Variants in NXN observed in about 807,000 individuals in gnomAD.
NXN encodes nucleoredoxin.
A neutral mutation model predicts 48.6 loss-of-function variants in NXN; 16 were observed. That is an observed-to-expected ratio of 0.33 (90% CI 0.22 to 0.50). The LOEUF (loss-of-function observed/expected upper bound fraction) is 0.50, where lower values mean the gene tolerates loss of function less well. Among genes scored for constraint, NXN ranks in the 20% least tolerant of loss-of-function variants. The pLI is 0.98. For synonymous variants in NXN, 281 were observed against 269.6 expected (o/e 1.04, Z -0.41); for missense variants, 492 against 605.5 (o/e 0.81, Z 1.97).
At chr17:850,828 T>C (rs73289795) in intron 1 of NXN, among the ~76,000 whole-genome samples, 41,287 of 152,094 alleles carry the variant, frequency 0.27, 6,082 homozygotes, top group African/African-American at 0.38. Flanking sequence ...GGGCTGCCGT[T>C]GGCGGACACT....
intron 1 of NXN, among the ~76,000 whole-genome samples, chr17:934,193 C>T (rs1214365984): frequency 6.6e-6 from 1 of 152,018 alleles, no homozygotes; most frequent in Non-Finnish European, 1.5e-5. Flanking sequence ...CGCCTGTAAT[C>T]CCAGCACTTT....
chr17:913,224 A>C (rs879787267), intron 1 of NXN, among the ~76,000 whole-genome samples: 2 of 152,166 alleles, frequency 1.3e-5, no homozygotes, highest in Non-Finnish European at 2.9e-5. Context: ...GTCACCAAAA[A>C]TCCTTCCCGA....
At chr17:964,032 G>C (rs111665989) in intron 1 of NXN, among the ~76,000 whole-genome samples, 3 of 149,750 alleles carry the variant, frequency 2.0e-5, no homozygotes, top group Non-Finnish European at 3.0e-5. Flanking sequence ...AGCCGAGATC[G>C]CGCCACTGCA....
At chr17:950,704 A>G (rs565959632) in intron 1 of NXN, among the ~76,000 whole-genome samples, 6 of 152,082 alleles carry the variant, frequency 3.9e-5, no homozygotes, top group Non-Finnish European at 8.8e-5. Context: ...CTCACATTCC[A>G]CTATAAGGAG....
chr17:915,170 G>A (rs1056492683), intron 1 of NXN, among the ~76,000 whole-genome samples: 26 of 152,122 alleles, frequency 1.7e-4, no homozygotes, highest in African/African-American at 2.2e-4. Context: ...TTCTGACCTC[G>A]TGATAGGTCC....
intron 1 of NXN, among the ~76,000 whole-genome samples, chr17:881,658 T>G (rs1211348877): frequency 6.6e-6 from 1 of 152,146 alleles, no homozygotes; most frequent in Non-Finnish European, 1.5e-5. Context: ...TTTTTTTAAG[T>G]CCATAAAAAT....
chr17:819,461 G>A lies in NXN; in HGVS notation c.798C>T (p.Leu266=). 6.2e-7 allele frequency: 1 copy of A among 1,614,114 alleles called. No homozygotes were observed. The highest frequency in any genetic ancestry group is 8.5e-7 in the Non-Finnish European group (1 of 1,179,998). ...PYTDEARRSR[L]NRLYGIQGIP... ...TACCTTGGATTCCGTACAGCCGGTT[G>A]AGGCGCGACCGCCGGGCCTCATCCG... The change falls in exon 5 of 8, where the codon CTC becomes CTT. Residue 266 remains leucine (L), a synonymous_variant. Transcript: ENST00000336868.
chr17:945,474 G>C (rs553973605), intron 1 of NXN, among the ~76,000 whole-genome samples: 4 of 150,068 alleles, frequency 2.7e-5, no homozygotes. Flanking sequence ...CTAAAAATAC[G>C]AAAAAAATTA....
intron 1 of NXN, among the ~76,000 whole-genome samples, chr17:845,076 G>T (rs1433240804): frequency 6.6e-6 from 1 of 151,982 alleles, no homozygotes; most frequent in South Asian, 2.1e-4. Context: ...CTCACAGCAC[G>T]GGAGAGAACT....
chr17:921,573 C>T (rs1413767930), intron 1 of NXN, among the ~76,000 whole-genome samples: 1 of 152,150 alleles, frequency 6.6e-6, no homozygotes, highest in African/African-American at 2.4e-5. Flanking sequence ...TCCTCCTGTC[C>T]CGAAGATGAG....
chr17:825,977 G>C lies in NXN; in HGVS notation c.462C>G (p.Ile154Met). Residue 154 changes from isoleucine to methionine, a missense_variant, in exon 2 of 8, where the codon ATC becomes ATG. By Grantham distance (10) the Ile-to-Met change is conservative. Transcript: ENST00000336868. The surrounding 1 kb of genome is among the most constrained non-coding windows in gnomAD (Gnocchi z 4.1). ...AGGTTTTACCTTCTGGGTCATCTCG[G>C]ATCACCAGCAGCCCGTTCCTGCACA... is the stretch of plus-strand genomic sequence containing the variant. The part of the protein sequence containing the change: ...KVVCRNGLLV[I>M]RDDPEGLEFP... 1 of 1,611,786 alleles carries C rather than the reference G, an allele frequency of 6.2e-7. No homozygotes were observed. Among genetic ancestry groups the C allele is most frequent in the Non-Finnish European group, 8.5e-7 (1 of 1,178,412 alleles).
intron 1 of NXN, chr17:909,966 C>T (rs1161738855): frequency 6.6e-6 from 1 of 152,130 alleles, no homozygotes; most frequent in African/African-American, 2.4e-5. Context: ...CTATATCTAT[C>T]CACTATGGAT....
intron 1 of NXN, among the ~76,000 whole-genome samples, chr17:881,644 A>G (rs2068285689): frequency 6.6e-6 from 1 of 152,166 alleles, no homozygotes; most frequent in African/African-American, 2.4e-5. Flanking sequence ...TTTACCCAAG[A>G]TAATTTTTTT....
chr17:882,610 C>T (rs546312674), intron 1 of NXN, among the ~76,000 whole-genome samples: 3 of 151,888 alleles, frequency 2.0e-5, no homozygotes, highest in African/African-American at 4.8e-5. Context: ...GGACTTCAGG[C>T]GCCCACCACC....
At chr17:884,114 G>C (rs71357126) in intron 1 of NXN, among the ~76,000 whole-genome samples, 28,247 of 151,972 alleles carry the variant, frequency 0.19, 2,761 homozygotes, top group Middle Eastern at 0.33. Context: ...CCAGCTACTT[G>C]AGAGGCTGAG....
At chr17:808,427 C>G (rs993685011) in intron 5 of NXN, among the ~76,000 whole-genome samples, 2 of 151,826 alleles carry the variant, frequency 1.3e-5, no homozygotes, top group African/African-American at 4.8e-5. Context: ...CTCAGCCTCC[C>G]AAGTAGCTGG....
intron 1 of NXN, chr17:878,127 T>C (rs2068238064): frequency 6.6e-6 from 1 of 152,264 alleles, no homozygotes; most frequent in African/African-American, 2.4e-5. Context: ...CAGCGACCAT[T>C]GCACAGCGTG....
At chr17:925,103 T>G (rs2068786203) in intron 1 of NXN, among the ~76,000 whole-genome samples, 1 of 152,190 alleles carries the variant, frequency 6.6e-6, no homozygotes, top group Non-Finnish European at 1.5e-5. Flanking sequence ...TGTCTCAGGT[T>G]TGACTGTCTC....
At chr17:839,588 G>A (rs1914020541) in intron 1 of NXN, among the ~76,000 whole-genome samples, 1 of 150,252 alleles carries the variant, frequency 6.7e-6, no homozygotes. Flanking sequence ...AGGTGGGTGG[G>A]TCACTTGAGC....
Sources: allele counts gnomAD v4.1 joint callset (sites outside exome capture counted in the v4.1 genomes callset), GRCh38; gene constraint gnomAD v4.1.1; non-coding constraint Gnocchi (gnomAD v3.1); transcripts MANE v1.5; gene names NCBI Gene and HGNC (gene_info 2026-07-23, HGNC 2026-07-21).